Variants in SIPA1L2 observed in about 807,000 individuals in gnomAD.
The protein encoded by SIPA1L2 is signal-induced proliferation-associated 1-like protein 2.
Under a neutral mutation model 163.9 loss-of-function variants are expected in SIPA1L2, and 56 were observed. That is an observed-to-expected ratio of 0.34 (90% CI 0.28 to 0.43). The LOEUF is 0.43. Ranked by LOEUF, SIPA1L2 falls within the 20% of genes least tolerant of loss-of-function variation. The pLI, the probability that SIPA1L2 is intolerant of heterozygous loss-of-function variation, is 1.00. For synonymous variants in SIPA1L2, 877 were observed against 865.7 expected (o/e 1.01, Z -0.23); for missense variants, 1,974 against 2,193.5 (o/e 0.90, Z 2.00).
chr1:232,459,857 C>T (rs1664134838), intron 10 of SIPA1L2, among the ~76,000 whole-genome samples: 1 of 152,148 alleles, frequency 6.6e-6, no homozygotes. Flanking sequence ...GGCAATTATG[C>T]TAGAAGGTTC....
chr1:232,515,267 G>A lies in SIPA1L2; in HGVS notation c.73C>T (p.Pro25Ser). 2 of 1,613,736 alleles carry A rather than the reference G, an allele frequency of 1.2e-6. No individual in the cohort carries two copies. Among genetic ancestry groups the A allele is most frequent in the Non-Finnish European group, 1.7e-6 (2 of 1,179,864 alleles). ...GRASSKFKDP[P>S]RIMQSDDYFA... ...TAATCATCTGACTGCATGATTCTAGGGGGATCCTTGAACTTTGAAGAGGCT... is the reference window on the plus strand; with the variant it reads ...TAATCATCTGACTGCATGATTCTAGAGGGATCCTTGAACTTTGAAGAGGCT... The change falls in exon 3 of 23, where the codon CCT becomes TCT. Residue 25 changes from proline to serine, a missense_variant. By Grantham distance (74) the Pro-to-Ser change is moderately conservative (BLOSUM62 -1). Around this residue, in one of 3 missense-constraint regions of SIPA1L2, gnomAD observed 607 missense variants for 624.0 expected, o/e 0.97. Coordinates refer to ENST00000674635, the MANE Select transcript of SIPA1L2 (RefSeq NM_020808.5).
intron 10 of SIPA1L2, among the ~76,000 whole-genome samples, chr1:232,456,728 C>T (rs896270913): frequency 6.6e-6 from 1 of 152,198 alleles, no homozygotes; most frequent in Non-Finnish European, 1.5e-5. Context: ...TAAATTATCC[C>T]TTGCAAAAAC....
At chr1:232,459,906 G>T (rs1467973853) in intron 10 of SIPA1L2, among the ~76,000 whole-genome samples, 1 of 152,168 alleles carries the variant, frequency 6.6e-6, no homozygotes, top group African/African-American at 2.4e-5. Context: ...CATCTTCATT[G>T]AAATCATAGG....
chr1:232,441,436 T>C (rs1250209549), intron 13 of SIPA1L2, 42 bp from the exon 14 acceptor site: 2 of 1,493,990 alleles, frequency 1.3e-6, no homozygotes, highest in African/African-American at 1.4e-5. Context: ...CAATTTCCAG[T>C]ATTACCAAAA....
chr1:232,608,353 T>C (rs1244785296), intron 1 of SIPA1L2, among the ~76,000 whole-genome samples: 1 of 152,130 alleles, frequency 6.6e-6, no homozygotes, highest in Non-Finnish European at 1.5e-5. Context: ...CAACCCCATA[T>C]TTCACCTCTT....
intron 8 of SIPA1L2, among the ~76,000 whole-genome samples, chr1:232,470,839 G>A (rs894057425): frequency 1.3e-5 from 2 of 152,140 alleles, no homozygotes; most frequent in African/African-American, 4.8e-5. Flanking sequence ...CACATGATAT[G>A]ATCATTTGGC....
chr1:232,576,541 T>C (rs867451567), intron 1 of SIPA1L2, among the ~76,000 whole-genome samples: 4 of 152,160 alleles, frequency 2.6e-5, no homozygotes, highest in Admixed American at 6.5e-5. Context: ...ATATTGAACG[T>C]AGGCCAATTA....
chr1:232,561,111 A>G (rs1659010344), intron 2 of SIPA1L2, among the ~76,000 whole-genome samples: 1 of 152,236 alleles, frequency 6.6e-6, no homozygotes, highest in Admixed American at 6.5e-5. Flanking sequence ...GGGGAGGTAT[A>G]CTGCAATCTC....
At chr1:232,443,995 C>T (rs7543324) in intron 11 of SIPA1L2, among the ~76,000 whole-genome samples, 3,011 of 152,196 alleles carry the variant, frequency 0.02, 104 homozygotes, top group African/African-American at 0.067. Flanking sequence ...AACAGCAATA[C>T]AATTTCCGAG....
chr1:232,441,596 A>G (rs1236670959), intron 13 of SIPA1L2, among the ~76,000 whole-genome samples, 172 bp downstream of exon 13: 1 of 152,222 alleles, frequency 6.6e-6, no homozygotes, highest in Non-Finnish European at 1.5e-5. Flanking sequence ...TGCCACAACC[A>G]CAACCAACCA....
chr1:232,551,417 C>T (rs1352546231), intron 2 of SIPA1L2, among the ~76,000 whole-genome samples: 2 of 152,210 alleles, frequency 1.3e-5, no homozygotes, highest in South Asian at 2.1e-4. Flanking sequence ...ATTTACTGCT[C>T]CATGCTCACT....
At chr1:232,457,752 C>A (rs1218174952) in intron 10 of SIPA1L2, among the ~76,000 whole-genome samples, 1 of 152,152 alleles carries the variant, frequency 6.6e-6, no homozygotes, top group African/African-American at 2.4e-5. Flanking sequence ...CTTAACAAAT[C>A]TAATAATGCA....
rs940666418 is a variant in SIPA1L2, at chr1:232,496,494, G to T, written c.1484-2834C>A. On this transcript the variant is annotated intron_variant, in intron 3 of 22. Transcript: ENST00000674635. ...AAGGTAACTATTACAAACATAAAAA[G>T]CTCCAGTGACATTAAGCATACATAA... 1.3e-5 allele frequency among the ~76,000 whole-genome samples: 2 copies of T among 150,008 alleles called. 1 individual carries two copies. Among genetic ancestry groups the T allele is most frequent in the Non-Finnish European group, 3.0e-5 (2 of 67,736 alleles).
At chr1:232,517,913 G>A (rs570325617) in intron 2 of SIPA1L2, among the ~76,000 whole-genome samples, 14 of 152,128 alleles carry the variant, frequency 9.2e-5, no homozygotes, top group South Asian at 4.1e-4. Context: ...CCGGCGTGGC[G>A]GTACACACCT....
At chr1:232,473,096 T>C (rs1295162406) in intron 7 of SIPA1L2, among the ~76,000 whole-genome samples, 2 of 152,216 alleles carry the variant, frequency 1.3e-5, no homozygotes, top group African/African-American at 2.4e-5. Flanking sequence ...TTTAAAAAGT[T>C]TGCTAGATAT....
chr1:232,589,352 C>T (rs1465133235), intron 1 of SIPA1L2, among the ~76,000 whole-genome samples: 1 of 152,184 alleles, frequency 6.6e-6, no homozygotes, highest in Non-Finnish European at 1.5e-5. Flanking sequence ...TAAATTCACC[C>T]AGTTAGCTCA....
chr1:232,590,542 T>C (rs1660905715), intron 1 of SIPA1L2, among the ~76,000 whole-genome samples: 1 of 152,190 alleles, frequency 6.6e-6, no homozygotes, highest in Admixed American at 6.5e-5. Context: ...AGAAACACAG[T>C]GGACCTGATG....
chr1:232,556,960 A>C (rs1346821647), intron 2 of SIPA1L2, among the ~76,000 whole-genome samples: 1 of 152,188 alleles, frequency 6.6e-6, no homozygotes. Flanking sequence ...GCTCTGGGAC[A>C]ACAGTCAAGA....
chr1:232,627,243 T>C (rs1663126590), intron 1 of SIPA1L2, among the ~76,000 whole-genome samples: 1 of 152,162 alleles, frequency 6.6e-6, no homozygotes, highest in South Asian at 2.1e-4. Context: ...AGGGGCTGTA[T>C]CCACATAAAC....
Sources: gnomAD v4.1 joint callset for allele counts (sites outside exome capture counted in the v4.1 genomes callset) on GRCh38, gnomAD v4.1.1 for gene constraint, gnomAD v4.1.1 regional missense constraint, MANE v1.5 for transcripts, NCBI Gene and HGNC (gene_info 2026-07-23, HGNC 2026-07-21) for gene names.